Variants in ZNF81 observed in about 807,000 individuals in gnomAD.
ZNF81 encodes zinc finger protein 81 (HFZ20).
A neutral mutation model predicts 32.3 loss-of-function variants in ZNF81; 5 were observed. The observed-to-expected ratio is 0.15, with a 90% CI of 0.08 to 0.33. The LOEUF is 0.33. Ranked by LOEUF, ZNF81 falls within the 10% of genes least tolerant of loss-of-function variation. The pLI, the probability that ZNF81 is intolerant of heterozygous loss-of-function variation, is 1.00. For missense variants in ZNF81, 379 were observed against 479.8 expected (o/e 0.79, Z 1.96); for synonymous variants, 163 against 166.8 (o/e 0.98, Z 0.17).
At chrX:47,910,561 G>T (rs986444181) in intron 4 of ZNF81, among the ~76,000 whole-genome samples, 1 of 112,116 alleles carries the variant, frequency 8.9e-6, no homozygotes, top group Middle Eastern at 4.6e-3. Flanking sequence ...AGTTAGAATG[G>T]CAATCATTGA....
chrX:47,897,324 C>T (rs1181952754), intron 4 of ZNF81, among the ~76,000 whole-genome samples: 2 of 112,236 alleles, frequency 1.8e-5, no homozygotes, highest in African/African-American at 3.2e-5. Context: ...TGATGTTAAG[C>T]ATCTTTTTAT....
chrX:47,916,930 T>C lies in ZNF81; in HGVS notation c.*298T>C, dbSNP rs904559476. The C allele has an allele frequency of 7.2e-6, 2 of 277,721 alleles. No individual in the cohort carries two copies. The highest frequency in any genetic ancestry group is 1.3e-5 in the Non-Finnish European group (2 of 158,805). The allele number at this position is 277,721 out of a possible 1,213,427, so 22.9% of individuals were successfully genotyped here. A position where few individuals can be genotyped will look rare whatever the true frequency, so the allele number is the denominator to read the frequency against. On this transcript the variant is annotated 3_prime_UTR_variant, in exon 5 of 5. Transcript: ENST00000338637. ...CCTATAGAAAGTATTATAAGTTAAA[T>C]TGTTACCAAATTCTTTATAGGAAGG... is the stretch of plus-strand genomic sequence containing the variant.
intron 2 of ZNF81, among the ~76,000 whole-genome samples, chrX:47,847,942 T>G (rs1556880718): frequency 9.4e-6 from 1 of 106,790 alleles, no homozygotes. Flanking sequence ...TTAGACGGAG[T>G]CTTGCTCTGT....
At chrX:47,886,602 T>TC (rs1156380601) in intron 2 of ZNF81, among the ~76,000 whole-genome samples, 2 of 77,268 alleles carry the variant, frequency 2.6e-5, no homozygotes, top group Non-Finnish European at 4.6e-5. Context: ...TCTCTCTCTC[T>TC]TTTTTTTTTT....
chrX:47,862,364 CA>C (rs1230938120), intron 2 of ZNF81, among the ~76,000 whole-genome samples: 101 of 107,067 alleles, frequency 9.4e-4, no homozygotes, highest in Non-Finnish European at 1.7e-3. Flanking sequence ...ACTAAAAATA[CA>C]AAAAAAAATT....
chrX:47,874,218 A>C (rs2058590965), intron 2 of ZNF81, among the ~76,000 whole-genome samples: 1 of 112,049 alleles, frequency 8.9e-6, no homozygotes, highest in South Asian at 3.7e-4. Context: ...CTGCCAGCTC[A>C]CTTTTAGCAG....
chrX:47,848,039 C>T (rs782529197), intron 2 of ZNF81, among the ~76,000 whole-genome samples: 86 of 110,301 alleles, frequency 7.8e-4, no homozygotes, highest in Non-Finnish European at 9.5e-4. Context: ...CTCAGCCTCC[C>T]GACTAGCTGG....
chrX:47,838,984 T>A, intron 1 of ZNF81, among the ~76,000 whole-genome samples: 1 of 111,259 alleles, frequency 9.0e-6, no homozygotes, highest in Middle Eastern at 4.6e-3. Context: ...CGGGTCTCAC[T>A]ATGTTGCCCA....
intron 2 of ZNF81, among the ~76,000 whole-genome samples, chrX:47,867,301 A>C (rs1200698865): frequency 8.9e-6 from 1 of 112,238 alleles, no homozygotes; most frequent in African/African-American, 3.2e-5. Context: ...AGACTTGTTT[A>C]GCTTTTAAAA....
intron 2 of ZNF81, among the ~76,000 whole-genome samples, chrX:47,878,575 A>G (rs2058608846): frequency 8.9e-6 from 1 of 112,307 alleles, no homozygotes; most frequent in African/African-American, 3.2e-5. Flanking sequence ...AGTTTGGAAT[A>G]ACTAGGAGAC....
chrX:47,850,891 G>GCACA (rs782209480), intron 2 of ZNF81, among the ~76,000 whole-genome samples: 894 of 53,404 alleles, frequency 0.017, 15 homozygotes, highest in African/African-American at 0.024. Context: ...AGGCACGCGC[G>GCACA]CACACACACA....
chrX:47,880,046 T>A (rs150328896), intron 2 of ZNF81, among the ~76,000 whole-genome samples: 2,615 of 112,381 alleles, frequency 0.023, 32 homozygotes, highest in Non-Finnish European at 0.038. Flanking sequence ...TCAGATTTAA[T>A]TTTTTTGGGC....
chrX:47,861,033 A>T (rs1274067253), intron 2 of ZNF81: 1 of 112,284 alleles, frequency 8.9e-6, no homozygotes, highest in Admixed American at 9.4e-5. Context: ...ATAATAAACC[A>T]GTAAATGTAA....
At position 47,915,996 on chromosome X, in the gene ZNF81, C is replaced by A. The variant is rs370597491; in HGVS notation, c.1350C>A (p.Ala450=). ...ATATCTGTACTCAATGTGGGCAGGC[C>A]TTCATCCAGAAGGCACACTTGATTG... The part of the protein sequence containing the change: ...RSYICTQCGQ[A]FIQKAHLIAH... The change falls in exon 5 of 5, where the codon GCC becomes GCA. Residue 450 remains alanine (A), a synonymous_variant. Transcript: ENST00000338637. 239 of 1,209,762 alleles carry A rather than the reference C, an allele frequency of 2.0e-4. No individual in the cohort carries two copies. The African/African-American group carries it at 3.8e-3, about 19-fold the overall frequency.
At chrX:47,857,717 GA>G (rs1811560971) in intron 2 of ZNF81, among the ~76,000 whole-genome samples, 1 of 111,306 alleles carries the variant, frequency 9.0e-6, no homozygotes, top group African/African-American at 3.3e-5. Flanking sequence ...ATCTGCCCTT[GA>G]CCCCTTATCC....
At chrX:47,903,612 TATC>T (rs1252387229) in intron 4 of ZNF81, among the ~76,000 whole-genome samples, 1 of 89,798 alleles carries the variant, frequency 1.1e-5, no homozygotes, top group Non-Finnish European at 2.3e-5. Flanking sequence ...GAAGAATCAA[TATC>T]GTGAAAATGG....
chrX:47,894,135 T>G (rs1269533402), intron 3 of ZNF81, among the ~76,000 whole-genome samples: 2 of 111,717 alleles, frequency 1.8e-5, no homozygotes, highest in African/African-American at 6.5e-5. Flanking sequence ...AAGTGGGGAT[T>G]TATAAATATA....
chrX:47,855,526 A>C (rs1443264790), intron 2 of ZNF81, among the ~76,000 whole-genome samples: 1 of 111,628 alleles, frequency 9.0e-6, no homozygotes, highest in Non-Finnish European at 1.9e-5. Context: ...TTATTATTCT[A>C]ATTCCTCTAT....
intron 4 of ZNF81, among the ~76,000 whole-genome samples, chrX:47,904,468 A>G (rs1351183935): frequency 1.9e-5 from 2 of 107,541 alleles, no homozygotes; most frequent in African/African-American, 6.7e-5. Context: ...AAAAATGCTC[A>G]TCATCACTGG....
Sources: allele counts gnomAD v4.1 joint callset (sites outside exome capture counted in the v4.1 genomes callset), GRCh38; gene constraint gnomAD v4.1.1; transcripts MANE v1.5; gene names NCBI Gene and HGNC (gene_info 2026-07-23, HGNC 2026-07-21).